The following CFHR5 variants were observed in gnomAD, a reference collection of about 807,000 sequenced individuals.
The protein encoded by CFHR5 is complement factor H related 5.
Under a neutral mutation model 62.9 loss-of-function variants are expected in CFHR5, and 73 were observed. The ratio of observed to expected loss-of-function variants is 1.16; its 90% CI spans 0.96 to 1.41. CFHR5 has a LOEUF of 1.41. Among genes scored for constraint, CFHR5 ranks in the 40% most tolerant of loss-of-function variants. The probability of loss-of-function intolerance (pLI) is 0.00; values close to 1 mark genes in which losing one functional copy is unlikely to be tolerated. For missense variants in CFHR5, 779 were observed against 679.9 expected (o/e 1.15, Z -1.62); for synonymous variants, 249 against 227.2 (o/e 1.10, Z -0.86).
In CFHR5 at chr1:196,995,714, T is replaced by G. The variant is rs375481393; in HGVS notation, c.608-3T>G. 1 of 1,611,292 alleles carries G rather than the reference T, an allele frequency of 6.2e-7. No homozygotes were observed. Among genetic ancestry groups the G allele is most frequent in the Non-Finnish European group, 8.5e-7 (1 of 1,177,576 alleles). ...AGCATTATTTATGGTTTCTTTATAA[T>G]AGGACAAGTACGATCATGTGGTCCA... On this transcript the variant is annotated splice_region_variant and splice_polypyrimidine_tract_variant and intron_variant, in intron 4 of 9. Transcript: ENST00000256785.
At position 197,008,681 on chromosome 1, in the gene CFHR5, T is replaced by C. The variant is rs762904582; in HGVS notation, c.1708T>C (p.Ter570ArgextTer37). The change falls in exon 10 of 10, where the codon TGA becomes CGA. Residue 570 changes from the stop codon to arginine, a stop_lost. Coordinates refer to ENST00000256785, the MANE Select transcript of CFHR5 (RefSeq NM_030787.4). ...GAAATTTGAATATCCTATATGTGAA[T>C]GAAGCAAGCATAATTTTCCTGAATA... ...EGKFEYPICE* is the reference protein window; with the variant it reads ...EGKFEYPICER The C allele has an allele frequency of 7.6e-5, 123 of 1,610,336 alleles. No homozygotes were observed. In the East Asian group the frequency reaches 2.7e-3, roughly 35 times the overall value.
intron 1 of CFHR5, 41 bp from the exon 2 acceptor site, chr1:196,982,844 G>T (rs1248717722): frequency 1.3e-6 from 2 of 1,544,016 alleles, no homozygotes; most frequent in Non-Finnish European, 1.8e-6. Context: ...CATCGATGTA[G>T]CTCTTTATTT....
intron 1 of CFHR5, among the ~76,000 whole-genome samples, chr1:196,982,668 A>G (rs1313232489): frequency 1.4e-5 from 2 of 142,770 alleles, no homozygotes; most frequent in East Asian, 3.9e-4. Flanking sequence ...AAAACCTGAA[A>G]CTCCCTCTCA....
chr1:197,001,987 TGTTCATTA>T (rs1482150319), intron 7 of CFHR5, among the ~76,000 whole-genome samples: 1 of 152,164 alleles, frequency 6.6e-6, no homozygotes, highest in Non-Finnish European at 1.5e-5. Context: ...ATTCCAGTTA[TGTTCATTA>T]CCAGCCATTC....
chr1:196,978,733 G>A (rs537307932), intron 1 of CFHR5, among the ~76,000 whole-genome samples: 2 of 152,220 alleles, frequency 1.3e-5, no homozygotes, highest in East Asian at 1.9e-4. Flanking sequence ...GATTGCATGA[G>A]TGTATTTGAT....
At chr1:196,984,994 G>A (rs555867398) in intron 3 of CFHR5, among the ~76,000 whole-genome samples, 13 of 152,018 alleles carry the variant, frequency 8.6e-5, no homozygotes, top group Non-Finnish European at 1.8e-4. Flanking sequence ...AGTATTGAGG[G>A]TTTTTTCCTT....
At chr1:196,976,983 A>G (rs1037406200), upstream of CFHR5, among the ~76,000 whole-genome samples, 6 of 149,752 alleles carry the variant, frequency 4.0e-5, no homozygotes, top group African/African-American at 1.5e-4. Flanking sequence ...TTTTTTTTGT[A>G]TTTTTCAGTA....
At chr1:196,980,821 T>C (rs1220741737) in intron 1 of CFHR5, among the ~76,000 whole-genome samples, 1 of 152,104 alleles carries the variant, frequency 6.6e-6, no homozygotes, top group East Asian at 1.9e-4. Context: ...ATAGGTAGAA[T>C]ACAACTGGAT....
chr1:197,006,447 A>G (rs955261059), intron 9 of CFHR5, among the ~76,000 whole-genome samples: 1 of 152,114 alleles, frequency 6.6e-6, no homozygotes, highest in African/African-American at 2.4e-5. Flanking sequence ...ATGGTGGCTC[A>G]CGCCTGTATT....
At chr1:196,993,420 T>G (rs1653900682) in intron 3 of CFHR5, among the ~76,000 whole-genome samples, 2 of 151,970 alleles carry the variant, frequency 1.3e-5, no homozygotes, top group Admixed American at 6.6e-5. Flanking sequence ...TCAGCCTCCC[T>G]AGTAGTTGGG....
At chr1:196,999,062 G>C (rs1436418201) in intron 7 of CFHR5, among the ~76,000 whole-genome samples, 3 of 151,826 alleles carry the variant, frequency 2.0e-5, no homozygotes, top group African/African-American at 4.8e-5. Context: ...CCACAGGAAG[G>C]ATAGGAGTTT....
chr1:196,981,507 A>AAT lies in CFHR5; in HGVS notation c.59-1368_59-1367dup, dbSNP rs368703013. ...CTAATAAAAAATATGTGTATATATA[A>AAT]ATATATATATACACAAGAAAAAATA... is the stretch of plus-strand genomic sequence containing the variant. On this transcript the variant is annotated intron_variant, in intron 1 of 9. Coordinates refer to ENST00000256785, the MANE Select transcript of CFHR5 (RefSeq NM_030787.4). 4.4e-3 allele frequency among the ~76,000 whole-genome samples: 674 copies of AAT among 151,724 alleles called. 5 individuals carry two copies. The highest frequency in any genetic ancestry group is 0.015 in the African/African-American group (638 of 41,228).
At chr1:196,992,846 C>CA (rs1653882407) in intron 3 of CFHR5, among the ~76,000 whole-genome samples, 1 of 152,050 alleles carries the variant, frequency 6.6e-6, no homozygotes, top group African/African-American at 2.4e-5. Context: ...AAACTGTGAT[C>CA]AATACATTAA....
intron 2 of CFHR5, among the ~76,000 whole-genome samples, chr1:196,983,749 T>C (rs902048372): frequency 1.3e-5 from 2 of 152,136 alleles, no homozygotes; most frequent in African/African-American, 4.8e-5. Context: ...ATAAAAACCA[T>C]ACAGCAACAA....
chr1:196,990,867 A>G (rs114449950), intron 3 of CFHR5, among the ~76,000 whole-genome samples: 2,049 of 151,972 alleles, frequency 0.013, 43 homozygotes, highest in African/African-American at 0.045. Context: ...CTCGAGGAGT[A>G]TTTTTTTGGT....
At chr1:196,993,619 C>T (rs559663799) in intron 3 of CFHR5, among the ~76,000 whole-genome samples, 1 of 152,084 alleles carries the variant, frequency 6.6e-6, no homozygotes, top group Admixed American at 6.5e-5. Context: ...TTTTATACAT[C>T]ATTTTTTTTA....
At chr1:196,986,847 A>C (rs903006548) in intron 3 of CFHR5, among the ~76,000 whole-genome samples, 1 of 152,138 alleles carries the variant, frequency 6.6e-6, no homozygotes, top group Non-Finnish European at 1.5e-5. Context: ...ATGTATCTTT[A>C]TAGCAGCATG....
chr1:196,981,202 C>A (rs149285870), intron 1 of CFHR5, among the ~76,000 whole-genome samples: 422 of 152,218 alleles, frequency 2.8e-3, no homozygotes, highest in Non-Finnish European at 3.7e-3. Flanking sequence ...ATTTCTTATG[C>A]AGCAATGCTA....
intron 3 of CFHR5, among the ~76,000 whole-genome samples, chr1:196,990,699 C>G (rs1012473450): frequency 5.9e-5 from 9 of 152,114 alleles, no homozygotes; most frequent in African/African-American, 2.2e-4. Flanking sequence ...AATATTGGCC[C>G]CCACTCTCTT....
Sources: gnomAD v4.1 joint callset for allele counts (sites outside exome capture counted in the v4.1 genomes callset) on GRCh38, gnomAD v4.1.1 for gene constraint, MANE v1.5 for transcripts, NCBI Gene and HGNC (gene_info 2026-07-23, HGNC 2026-07-21) for gene names.